The following MINAR2 variants were observed in gnomAD, a reference collection of about 807,000 sequenced individuals.
MINAR2 encodes membrane integral NOTCH2 associated receptor 2.
A neutral mutation model predicts 16.1 loss-of-function variants in MINAR2; 21 were observed. The ratio of observed to expected loss-of-function variants is 1.31; its 90% CI spans 0.93 to 1.88. MINAR2 has a LOEUF of 1.88. MINAR2 is among the 40% of genes most tolerant of loss of function. MINAR2 has a pLI of 0.00. For missense variants in MINAR2, 259 were observed against 229.8 expected (o/e 1.13, Z -0.82); for synonymous variants, 86 against 83.0 (o/e 1.04, Z -0.20).
chr5:129,761,879 C>T (rs1274540445), intron 2 of MINAR2, among the ~76,000 whole-genome samples: 1 of 152,030 alleles, frequency 6.6e-6, no homozygotes, highest in Non-Finnish European at 1.5e-5. Context: ...CAGACAATAA[C>T]TATAGAACAA....
chr5:129,764,570 A>G (rs1758183241), intron 2 of MINAR2, among the ~76,000 whole-genome samples: 1 of 152,188 alleles, frequency 6.6e-6, no homozygotes, highest in South Asian at 2.1e-4. Context: ...TGATAGAAAC[A>G]CCGTTGTGTT....
At chr5:129,758,986 G>GAA (rs71800633) in intron 1 of MINAR2, among the ~76,000 whole-genome samples, 5 of 151,748 alleles carry the variant, frequency 3.3e-5, no homozygotes, top group Admixed American at 2.6e-4. Context: ...CTAAGTATGT[G>GAA]AAAAATGCAT....
intron 1 of MINAR2, among the ~76,000 whole-genome samples, chr5:129,759,497 A>G (rs1758099927): frequency 6.6e-6 from 1 of 152,160 alleles, no homozygotes; most frequent in African/African-American, 2.4e-5. Flanking sequence ...AGAAGGAAAC[A>G]AAACAAAGTA....
At chr5:129,760,699 C>A in intron 2 of MINAR2, 94 bp downstream of exon 2, 1 of 903,918 alleles carries the variant, frequency 1.1e-6, no homozygotes, top group South Asian at 1.7e-5. Flanking sequence ...AGGTACTCTT[C>A]ACTAGGCGCA....
intron 1 of MINAR2, among the ~76,000 whole-genome samples, chr5:129,756,934 TAAAAAAAAAAAA>T (rs34547893): frequency 1.4e-5 from 1 of 73,968 alleles, no homozygotes; most frequent in African/African-American, 5.1e-5. Context: ...CTTTCCACAG[TAAAAAAAAAAAA>T]AAAAAAAAAA....
chr5:129,752,444 C>T (rs1581288384), intron 1 of MINAR2, among the ~76,000 whole-genome samples: 1 of 129,126 alleles, frequency 7.7e-6, no homozygotes, highest in Admixed American at 7.1e-5. Context: ...AAGCTGGAAA[C>T]CATCATTCTC....
At chr5:129,759,474 C>T (rs1758099705) in intron 1 of MINAR2, among the ~76,000 whole-genome samples, 1 of 151,914 alleles carries the variant, frequency 6.6e-6, no homozygotes, top group African/African-American at 2.4e-5. Context: ...TTCATGATAG[C>T]TTGATATACT....
chr5:129,764,855 A>C (rs2149547427), intron 2 of MINAR2, 29 bp from the exon 3 acceptor site: 1 of 1,226,128 alleles, frequency 8.2e-7, no homozygotes, highest in South Asian at 2.8e-5. Flanking sequence ...TTACTGATTA[A>C]TCATATTCTC....
intron 1 of MINAR2, among the ~76,000 whole-genome samples, chr5:129,758,657 AGT>A (rs1479891751): frequency 6.6e-6 from 1 of 151,924 alleles, no homozygotes; most frequent in Non-Finnish European, 1.5e-5. Context: ...CTTGGCCAAC[AGT>A]GTAGAAGACA....
Position 129,748,286 on chromosome 5 carries a change from C to T in MINAR2, c.96C>T (p.Ala32=), listed in dbSNP as rs1336770057. Residue 32 remains alanine, a synonymous_variant, in exon 1 of 3, where the codon GCC becomes GCT. Coordinates refer to ENST00000564719, the MANE Select transcript of MINAR2 (RefSeq NM_001257308.2). The part of the protein sequence containing the change: ...SLTRSSALLQ[A]SLVRFPGGNY... ...CGAGGAGCTCAGCCCTCCTTCAGGC[C>T]AGCCTGGTGAGGTTTCCGGGTGGAA... is the stretch of plus-strand genomic sequence containing the variant. The T allele has an allele frequency of 1.3e-6, 2 of 1,535,098 alleles. No homozygotes were observed. Among genetic ancestry groups the T allele is most frequent in the South Asian group, 2.4e-5 (2 of 84,050 alleles).
At chr5:129,754,840 T>A (rs1406742678) in intron 1 of MINAR2, among the ~76,000 whole-genome samples, 2 of 152,194 alleles carry the variant, frequency 1.3e-5, no homozygotes, top group African/African-American at 4.8e-5. Context: ...TTTTATTTAC[T>A]TATGTTTCTA....
chr5:129,761,679 CA>C (rs1758137620), intron 2 of MINAR2, among the ~76,000 whole-genome samples: 1 of 151,906 alleles, frequency 6.6e-6, no homozygotes, highest in Non-Finnish European at 1.5e-5. Flanking sequence ...CATTCCTTAC[CA>C]AGAGTCTTAA....
At chr5:129,750,124 G>A (rs897974472) in intron 1 of MINAR2, among the ~76,000 whole-genome samples, 7 of 152,118 alleles carry the variant, frequency 4.6e-5, no homozygotes, top group African/African-American at 1.4e-4. Context: ...AGGTAGATGT[G>A]GCACAAAGTA....
At chr5:129,754,889 T>C (rs886587111) in intron 1 of MINAR2, among the ~76,000 whole-genome samples, 1 of 152,174 alleles carries the variant, frequency 6.6e-6, no homozygotes, top group African/African-American at 2.4e-5. Context: ...TGCAAAATTA[T>C]ATGGACATTG....
Position 129,764,940 on chromosome 5 carries a change from C to A in MINAR2, c.450C>A (p.Asp150Glu). ...WLGDMYTPGF[D>E]TLLKKEEKQE... The stretch of plus-strand genomic sequence containing the variant: ...GAGACATGTACACTCCAGGTTTTGA[C>A]ACTTTATTGAAAAAGGAAGAGAAAC... Residue 150 changes from aspartate to glutamate, a missense_variant, in exon 3 of 3, where the codon GAC becomes GAA. Coordinates refer to ENST00000564719, the MANE Select transcript of MINAR2 (RefSeq NM_001257308.2). 1 of 1,401,446 alleles carries A rather than the reference C, an allele frequency of 7.1e-7. No individual in the cohort carries two copies. The allele number at this position is 1,401,446 out of a possible 1,614,324, so 86.8% of individuals were successfully genotyped here. A position where few individuals can be genotyped will look rare whatever the true frequency, so the allele number is the denominator to read the frequency against.
At chr5:129,755,089 G>C (rs1209624051) in intron 1 of MINAR2, among the ~76,000 whole-genome samples, 1 of 151,872 alleles carries the variant, frequency 6.6e-6, no homozygotes, top group Non-Finnish European at 1.5e-5. Flanking sequence ...GTCTTTTTCT[G>C]ACCTATTGCA....
intron 1 of MINAR2, among the ~76,000 whole-genome samples, chr5:129,753,344 C>T (rs1391035126): frequency 6.6e-6 from 1 of 151,510 alleles, no homozygotes; most frequent in East Asian, 1.9e-4. Flanking sequence ...ATTAGCCTCC[C>T]GTGGTGGCAT....
chr5:129,748,289 C>A lies in MINAR2; in HGVS notation c.99C>A (p.Ser33Arg), dbSNP rs1359082636. ...LTRSSALLQA[S>R]LVRFPGGNYP... ...GGAGCTCAGCCCTCCTTCAGGCCAG[C>A]CTGGTGAGGTTTCCGGGTGGAAATT... is the stretch of plus-strand genomic sequence containing the variant. The change falls in exon 1 of 3, where the codon AGC (serine) becomes AGA (arginine). Residue 33 changes from serine (S) to arginine (R), a missense_variant. Ser to Arg is a moderately radical substitution (Grantham distance 110). Coordinates refer to ENST00000564719, the MANE Select transcript of MINAR2 (RefSeq NM_001257308.2). The A allele has an allele frequency of 3.9e-6, 6 of 1,535,252 alleles. No individual in the cohort carries two copies. Among genetic ancestry groups the A allele is most frequent in the Non-Finnish European group, 5.2e-6 (6 of 1,146,578 alleles).
chr5:129,748,274 C>G lies in MINAR2; in HGVS notation c.84C>G (p.Ala28=), dbSNP rs1393093908. 16 of 1,535,156 alleles carry G rather than the reference C, an allele frequency of 1.0e-5. No individual in the cohort carries two copies. The highest frequency in any genetic ancestry group is 2.7e-5 in the African/African-American group (2 of 73,028). ...LDVKSLTRSS[A]LLQASLVRFP... ...TAAAGTCTTTAACGAGGAGCTCAGC[C>G]CTCCTTCAGGCCAGCCTGGTGAGGT... is the stretch of plus-strand genomic sequence containing the variant. The change falls in exon 1 of 3, where the codon GCC becomes GCG. Residue 28 remains alanine (A), a synonymous_variant. Coordinates refer to ENST00000564719, the MANE Select transcript of MINAR2 (RefSeq NM_001257308.2).
Sources: gnomAD v4.1 joint callset for allele counts (sites outside exome capture counted in the v4.1 genomes callset) on GRCh38, gnomAD v4.1.1 for gene constraint, MANE v1.5 for transcripts, NCBI Gene and HGNC (gene_info 2026-07-23, HGNC 2026-07-21) for gene names.